The following PALM2AKAP2 variants were observed in gnomAD, a reference collection of about 807,000 sequenced individuals.
PALM2AKAP2 encodes PALM2 and AKAP2 fusion, also known as PALM2-AKAP2 fusion protein.
PALM2AKAP2 carries 37 observed loss-of-function variants against 71.5 expected under a neutral mutation model. That is an observed-to-expected ratio of 0.52 (90% CI 0.40 to 0.68). The LOEUF is 0.68. PALM2AKAP2 is among the 30% of genes least tolerant of loss of function. The probability of loss-of-function intolerance (pLI) is 0.00; values close to 1 mark genes in which losing one functional copy is unlikely to be tolerated. For synonymous variants in PALM2AKAP2, 468 were observed against 478.8 expected, an observed-to-expected ratio of 0.98 and a Z score of 0.29; for missense variants, 1,224 against 1,191.8, an observed-to-expected ratio of 1.03 and a Z score of -0.40.
At chr9:109,644,797 G>T (rs373318569) in intron 1 of PALM2AKAP2, among the ~76,000 whole-genome samples, 3 of 152,134 alleles carry the variant, frequency 2.0e-5, no homozygotes, top group Middle Eastern at 3.2e-3. Context: ...CAGTTTCTTT[G>T]CTAAAACATA....
chr9:109,966,438 C>G (rs567647871), intron 6 of PALM2AKAP2, among the ~76,000 whole-genome samples: 1 of 152,200 alleles, frequency 6.6e-6, no homozygotes, highest in Non-Finnish European at 1.5e-5. Flanking sequence ...GTTCTAATAC[C>G]AGTACTGCTG....
chr9:109,653,391 G>T (rs983884258), intron 1 of PALM2AKAP2, among the ~76,000 whole-genome samples: 1 of 152,222 alleles, frequency 6.6e-6, no homozygotes, highest in Admixed American at 6.5e-5. Flanking sequence ...CTGAACCTCT[G>T]AAAGGCATTA....
chr9:109,984,972 C>G (rs558251970), intron 6 of PALM2AKAP2, among the ~76,000 whole-genome samples: 4 of 152,144 alleles, frequency 2.6e-5, no homozygotes, highest in African/African-American at 9.6e-5. Flanking sequence ...GTCAGGAGGT[C>G]AAGGCCAGCC....
intron 1 of PALM2AKAP2, among the ~76,000 whole-genome samples, chr9:109,794,591 C>T (rs1027628370): frequency 6.6e-6 from 1 of 152,048 alleles, no homozygotes; most frequent in Non-Finnish European, 1.5e-5. Flanking sequence ...CTCATGGAAC[C>T]CTTGGGACCA....
chr9:109,816,921 C>T (rs1376236836), intron 1 of PALM2AKAP2, among the ~76,000 whole-genome samples: 1 of 152,296 alleles, frequency 6.6e-6, no homozygotes, highest in African/African-American at 2.4e-5. Flanking sequence ...TGAAATGCAA[C>T]GGACAACTAC....
rs11441362 is a variant in PALM2AKAP2 at position 109,959,644 on chromosome 9, C to CAAA, written c.496+27633_496+27635dup. Among the ~76,000 whole-genome samples, 677 of 90,618 alleles carry CAAA rather than the reference C, an allele frequency of 7.5e-3. 9 individuals are homozygous for CAAA. The highest frequency in any genetic ancestry group is 0.027 in the African/African-American group (622 of 22,946). 59.4% of individuals were successfully genotyped at this position (90,618 alleles called of 152,430 possible). On this transcript the variant is annotated intron_variant, in intron 6 of 9. Transcript: ENST00000302798. The stretch of plus-strand genomic sequence containing the variant: ...TGGGTGACAGAGCAAGACTCCGTCT[C>CAAA]AAAAAAAAAAAAAAAAAAATCCTAA...
chr9:110,007,914 A>G (rs1349394354), intron 6 of PALM2AKAP2, among the ~76,000 whole-genome samples: 2 of 152,190 alleles, frequency 1.3e-5, no homozygotes, highest in Admixed American at 1.3e-4. Context: ...CAGTGAGGAA[A>G]CCCAGCAAGG....
At chr9:109,859,580 A>G (rs1325396601) in intron 1 of PALM2AKAP2, among the ~76,000 whole-genome samples, 2 of 152,262 alleles carry the variant, frequency 1.3e-5, no homozygotes, top group Non-Finnish European at 2.9e-5. Context: ...AATTAAAAGT[A>G]AATAACTACA....
intron 1 of PALM2AKAP2, among the ~76,000 whole-genome samples, chr9:110,085,406 T>C (rs1260508386): frequency 6.6e-6 from 1 of 152,186 alleles, no homozygotes; most frequent in Non-Finnish European, 1.5e-5. Context: ...AGCAGTCAAC[T>C]AAGCAAGACT....
intron 6 of PALM2AKAP2, among the ~76,000 whole-genome samples, chr9:109,939,917 A>G (rs1022889620): frequency 6.6e-6 from 1 of 152,240 alleles, no homozygotes; most frequent in Non-Finnish European, 1.5e-5. Context: ...ATTTTGTTTC[A>G]TAATCTTTTT....
At chr9:110,073,795 TAACA>T (rs1834261609) in intron 1 of PALM2AKAP2, among the ~76,000 whole-genome samples, 1 of 152,232 alleles carries the variant, frequency 6.6e-6, no homozygotes, top group Non-Finnish European at 1.5e-5. Flanking sequence ...TAAATATAAC[TAACA>T]AACATATTAT....
At chr9:109,940,122 A>G (rs1831325360) in intron 6 of PALM2AKAP2, among the ~76,000 whole-genome samples, 1 of 152,182 alleles carries the variant, frequency 6.6e-6, no homozygotes, top group South Asian at 2.1e-4. Flanking sequence ...CCTTTGTTTG[A>G]GAGATGTGTA....
chr9:109,684,429 T>C lies in PALM2AKAP2; in HGVS notation c.5+43563T>C, dbSNP rs186320076. ...GTGACCACAGGGAGAAGGGCTCAGCTATGGTTCAGGTAACACACCTCATTG... is the reference window on the plus strand; with the variant it reads ...GTGACCACAGGGAGAAGGGCTCAGCCATGGTTCAGGTAACACACCTCATTG... On this transcript the variant is annotated intron_variant, in intron 1 of 6. Coordinates refer to the PALM2AKAP2 transcript ENST00000374531. 1.9e-3 allele frequency among the ~76,000 whole-genome samples: 294 copies of C among 152,308 alleles called. 2 individuals carry two copies. The highest frequency in any genetic ancestry group is 6.6e-3 in the African/African-American group (274 of 41,574).
chr9:110,150,600 C>A (rs895157056), intron 2 of PALM2AKAP2, among the ~76,000 whole-genome samples: 2 of 152,184 alleles, frequency 1.3e-5, no homozygotes, highest in African/African-American at 4.8e-5. Flanking sequence ...CTGCAAAGTT[C>A]TTTTTACCTC....
intron 1 of PALM2AKAP2, among the ~76,000 whole-genome samples, chr9:109,761,656 G>C (rs1389114813): frequency 6.6e-6 from 1 of 152,180 alleles, no homozygotes; most frequent in Non-Finnish European, 1.5e-5. Flanking sequence ...AGTTTGCTGA[G>C]AATGATGGTT....
chr9:110,133,103 G>A (rs573608699), intron 1 of PALM2AKAP2, among the ~76,000 whole-genome samples: 101 of 152,182 alleles, frequency 6.6e-4, no homozygotes, highest in African/African-American at 2.4e-3. Context: ...AGTTCAAAAA[G>A]GGTGCCTTGG....
At chr9:109,967,319 T>C (rs1346884268) in intron 6 of PALM2AKAP2, among the ~76,000 whole-genome samples, 2 of 152,108 alleles carry the variant, frequency 1.3e-5, no homozygotes, top group African/African-American at 4.8e-5. Context: ...AGCCTCCAAG[T>C]CTCACAGCAT....
At chr9:109,854,553 C>G (rs867418261) in intron 1 of PALM2AKAP2, among the ~76,000 whole-genome samples, 17 of 152,184 alleles carry the variant, frequency 1.1e-4, no homozygotes, top group African/African-American at 3.9e-4. Context: ...TACTAGAAAA[C>G]ACAGAAGGAT....
At chr9:109,738,991 A>G (rs1184022722) in intron 1 of PALM2AKAP2, among the ~76,000 whole-genome samples, 2 of 152,240 alleles carry the variant, frequency 1.3e-5, no homozygotes, top group Non-Finnish European at 2.9e-5. Flanking sequence ...TCAAAGTCCA[A>G]TAGTATAATA....
Sources: allele counts gnomAD v4.1 joint callset (sites outside exome capture counted in the v4.1 genomes callset), GRCh38; gene constraint gnomAD v4.1.1; transcripts MANE v1.5; gene names NCBI Gene and HGNC (gene_info 2026-07-23, HGNC 2026-07-21).